Variants in ZC3H13 observed in about 807,000 individuals in gnomAD.
ZC3H13 encodes the protein zinc finger CCCH domain-containing protein 13.
ZC3H13 carries 64 observed loss-of-function variants against 204.1 expected under a neutral mutation model. The observed-to-expected ratio is 0.31, with a 90% confidence interval of 0.26 to 0.39. The LOEUF (loss-of-function observed/expected upper bound fraction) is 0.39, where lower values mean the gene tolerates loss of function less well. Ranked by LOEUF, ZC3H13 falls within the 10% of genes least tolerant of loss-of-function variation. The probability of loss-of-function intolerance (pLI) is 1.00; values close to 1 mark genes in which losing one functional copy is unlikely to be tolerated. For missense variants in ZC3H13, 1,833 were observed against 2,082.7 expected (o/e 0.88, Z 2.33); for synonymous variants, 667 against 693.7 (o/e 0.96, Z 0.60).
intron 4 of ZC3H13, among the ~76,000 whole-genome samples, chr13:46,036,628 G>C (rs1300480498): frequency 6.6e-6 from 1 of 152,022 alleles, no homozygotes; most frequent in Non-Finnish European, 1.5e-5. Flanking sequence ...ACCAGAAAAA[G>C]TTATTAAAAT....
At position 45,970,411 on chromosome 13, in the gene ZC3H13, C is replaced by T. The variant is rs1185188355; in HGVS notation, c.2523G>A (p.Arg841=). 4 of 1,613,818 alleles carry T rather than the reference C, an allele frequency of 2.5e-6. No individual in the cohort carries two copies. The highest frequency in any genetic ancestry group is 3.3e-5 in the Admixed American group (2 of 59,994). ...CATCACTGTCCGGAGAATGTTCACG[C>T]CGGCGCTTCGGGGACTGTCTAGGGC... is the stretch of plus-strand genomic sequence containing the variant. The part of the protein sequence containing the change: ...SPSPRQSPKR[R]REHSPDSDAY... Residue 841 remains arginine (R), a synonymous_variant, in exon 13 of 19, where the codon CGG becomes CGA. Transcript: ENST00000679008.
chr13:46,020,986 G>A (rs1030370117), intron 4 of ZC3H13, among the ~76,000 whole-genome samples: 1 of 151,896 alleles, frequency 6.6e-6, no homozygotes, highest in Non-Finnish European at 1.5e-5. Context: ...TACAATGGAA[G>A]GATTTGTAAG....
At chr13:45,968,220 C>G (rs568508648) in intron 14 of ZC3H13, among the ~76,000 whole-genome samples, 192 bp from the exon 15 acceptor site, 1 of 151,180 alleles carries the variant, frequency 6.6e-6, no homozygotes, top group African/African-American at 2.4e-5. Context: ...TATAAATATC[C>G]AAATATATAA....
rs565333205 is a variant in ZC3H13 at position 45,970,573 on chromosome 13, G to T, written c.2469-108C>A. 4.3e-5 allele frequency: 36 copies of T among 837,660 alleles called. No homozygotes were observed. In the East Asian group the frequency reaches 9.0e-4, roughly 21 times the overall value. The allele number at this position is 837,660 out of a possible 1,614,324, so 51.9% of individuals were successfully genotyped here. A position where few individuals can be genotyped will look rare whatever the true frequency, so the allele number is the denominator to read the frequency against. ...CTATAACTGGAACATATAATTGTAGGAAAGCAATATTGCCAGAGTGTATCA... is the reference window on the plus strand; with the variant it reads ...CTATAACTGGAACATATAATTGTAGTAAAGCAATATTGCCAGAGTGTATCA... On this transcript the variant is annotated intron_variant, in intron 12 of 18. Transcript: ENST00000679008.
chr13:46,042,283 C>T lies in ZC3H13; in HGVS notation c.228-8G>A. 6.3e-7 allele frequency: 1 copy of T among 1,598,414 alleles called. No individual in the cohort carries two copies. Among genetic ancestry groups the T allele is most frequent in the Non-Finnish European group, 8.5e-7 (1 of 1,170,296 alleles). ...GTAGGTCTTTCTGGTGACCTTTGAA[C>T]CAAAACACAGAAACAAAACAAAAAA... is the stretch of plus-strand genomic sequence containing the variant. On this transcript the variant is annotated splice_region_variant and splice_polypyrimidine_tract_variant and intron_variant, in intron 3 of 18. Transcript: ENST00000679008.
At chr13:46,030,170 G>A (rs2042804127) in intron 4 of ZC3H13, among the ~76,000 whole-genome samples, 1 of 97,020 alleles carries the variant, frequency 1.0e-5, no homozygotes, top group Non-Finnish European at 2.0e-5. Flanking sequence ...ATTTGATAAA[G>A]TCCAACACTC....
At chr13:45,999,351 C>T (rs1467036710) in intron 8 of ZC3H13, among the ~76,000 whole-genome samples, 2 of 152,234 alleles carry the variant, frequency 1.3e-5, no homozygotes, top group Non-Finnish European at 2.9e-5. Flanking sequence ...TCAAACCCTG[C>T]TGCTGCTTTG....
chr13:46,030,783 A>G (rs550551658), intron 4 of ZC3H13, among the ~76,000 whole-genome samples: 1 of 152,332 alleles, frequency 6.6e-6, no homozygotes, highest in South Asian at 2.1e-4. Flanking sequence ...AAATTACAAA[A>G]TTGATTAAAG....
rs997688195 is a variant in ZC3H13 at position 45,963,406 on chromosome 13, T to C, written c.4675+436A>G. On this transcript the variant is annotated intron_variant, in intron 17 of 18. Coordinates refer to ENST00000679008, the MANE Select transcript of ZC3H13 (RefSeq NM_001330564.2). ...GGCAAACCACTGAGCACTTTGATAT[T>C]AGAACTTATTGGTTAATTTGTTTTT... is the stretch of plus-strand genomic sequence containing the variant. 81 of 992,036 alleles carry C rather than the reference T, an allele frequency of 8.2e-5. No homozygotes were observed. In the African/African-American group the frequency reaches 1.2e-3, roughly 15 times the overall value. 61.5% of individuals were successfully genotyped at this position (992,036 alleles called of 1,614,324 possible). A position where few individuals can be genotyped will look rare whatever the true frequency, so the allele number is the denominator to read the frequency against.
intron 4 of ZC3H13, among the ~76,000 whole-genome samples, chr13:46,035,117 A>C (rs2139045575): frequency 6.6e-6 from 1 of 152,272 alleles, no homozygotes; most frequent in South Asian, 2.1e-4. Flanking sequence ...GTCTCAGAAT[A>C]CTAACCCTTG....
intron 8 of ZC3H13, among the ~76,000 whole-genome samples, chr13:45,989,859 G>A (rs1325234823): frequency 2.0e-5 from 3 of 152,074 alleles, no homozygotes; most frequent in Non-Finnish European, 4.4e-5. Context: ...AAACTTTTGT[G>A]CAATAACTAA....
chr13:46,007,587 A>G (rs1175727260), intron 7 of ZC3H13, among the ~76,000 whole-genome samples: 1 of 152,208 alleles, frequency 6.6e-6, no homozygotes, highest in African/African-American at 2.4e-5. Flanking sequence ...TATACTTACT[A>G]AAGTACAGCA....
intron 4 of ZC3H13, among the ~76,000 whole-genome samples, chr13:46,029,153 G>A (rs2042721787): frequency 6.6e-6 from 1 of 152,074 alleles, no homozygotes; most frequent in African/African-American, 2.4e-5. Context: ...TTAAAAATAT[G>A]ATAAAGGTAT....
chr13:46,033,700 A>G (rs1483591464), intron 4 of ZC3H13, among the ~76,000 whole-genome samples: 2 of 152,148 alleles, frequency 1.3e-5, no homozygotes, highest in African/African-American at 4.8e-5. Flanking sequence ...AAGTTTTTTG[A>G]GGAAAATGGC....
intron 8 of ZC3H13, among the ~76,000 whole-genome samples, chr13:45,989,436 G>T (rs1387210209): frequency 3.3e-5 from 5 of 152,116 alleles, no homozygotes; most frequent in Admixed American, 6.6e-5. Flanking sequence ...CAAATACTTA[G>T]AGGGAGAAAA....
intron 1 of ZC3H13, among the ~76,000 whole-genome samples, chr13:46,046,014 GT>G (rs1282263285): frequency 6.6e-6 from 1 of 152,264 alleles, no homozygotes; most frequent in South Asian, 2.1e-4. Flanking sequence ...GACAACAGCA[GT>G]TATGTTCCAA....
chr13:46,024,468 C>T (rs1200413316), intron 4 of ZC3H13, among the ~76,000 whole-genome samples: 2 of 152,174 alleles, frequency 1.3e-5, no homozygotes, highest in Non-Finnish European at 2.9e-5. Flanking sequence ...AGGTTTATCT[C>T]AGTACTTTGA....
At chr13:46,042,048 C>T (rs2043623894) in intron 4 of ZC3H13, 116 bp downstream of exon 4, 1 of 763,362 alleles carries the variant, frequency 1.3e-6, no homozygotes, top group Non-Finnish European at 2.2e-6. Context: ...CCATATAGAA[C>T]ATTATAATGC....
intron 7 of ZC3H13, among the ~76,000 whole-genome samples, chr13:46,003,937 A>G (rs948861894): frequency 3.3e-5 from 5 of 152,370 alleles, no homozygotes; most frequent in African/African-American, 7.2e-5. Flanking sequence ...CTTGGCAATG[A>G]TTTCTTGGCT....
Sources: gnomAD v4.1 joint callset for allele counts (sites outside exome capture counted in the v4.1 genomes callset) on GRCh38, gnomAD v4.1.1 for gene constraint, MANE v1.5 for transcripts, NCBI Gene and HGNC (gene_info 2026-07-23, HGNC 2026-07-21) for gene names.